SCARB2: variants seen among roughly 807,000 people sequenced by gnomAD.
SCARB2 encodes the protein lysosome membrane protein 2.
A neutral mutation model predicts 58.6 loss-of-function variants in SCARB2; 29 were observed. That is an observed-to-expected ratio of 0.49 (90% confidence interval 0.37 to 0.67). The LOEUF is 0.67. Ranked by LOEUF, SCARB2 falls within the 30% of genes least tolerant of loss-of-function variation. SCARB2 has a pLI of 0.00. For missense variants in SCARB2, 488 were observed against 578.5 expected, an observed-to-expected ratio of 0.84 and a Z score of 1.60; for synonymous variants, 195 against 210.1, an observed-to-expected ratio of 0.93 and a Z score of 0.62.
intron 1 of SCARB2, among the ~76,000 whole-genome samples, chr4:76,200,177 G>A (rs1010138887): frequency 6.6e-6 from 1 of 152,220 alleles, no homozygotes; most frequent in Non-Finnish European, 1.5e-5. Flanking sequence ...TCCTCACCGA[G>A]GGTTCTGCTG....
chr4:76,162,442 TAAG>T (rs1053000299), intron 11 of SCARB2: 5 of 152,994 alleles, frequency 3.3e-5, no homozygotes, highest in Admixed American at 2.6e-4. Flanking sequence ...GCAGAAAATT[TAAG>T]AAGGGCTTCT....
chr4:76,161,333 G>A lies in SCARB2; in HGVS notation c.*380C>T, dbSNP rs554201820. On this transcript the variant is annotated 3_prime_UTR_variant, in exon 12 of 12. Coordinates refer to ENST00000264896, the MANE Select transcript of SCARB2 (RefSeq NM_005506.4). ...TATACGCATTTTGAGCACAAAGTTC[G>A]GTGAATGAAGCATACTGAATGAAGT... is the stretch of plus-strand genomic sequence containing the variant. 4.8e-5 allele frequency: 12 copies of A among 250,040 alleles called. No homozygotes were observed. The highest frequency in any genetic ancestry group is 2.0e-4 in the African/African-American group (9 of 45,088). The allele number at this position is 250,040 out of a possible 1,614,324, so 15.5% of individuals were successfully genotyped here. A position where few individuals can be genotyped will look rare whatever the true frequency, so the allele number is the denominator to read the frequency against.
intron 2 of SCARB2, among the ~76,000 whole-genome samples, chr4:76,190,201 A>G (rs1262845967): frequency 6.6e-6 from 1 of 151,784 alleles, no homozygotes; most frequent in Non-Finnish European, 1.5e-5. Flanking sequence ...TTAAAGACGG[A>G]GTTTTGCTAT....
Position 76,213,643 on chromosome 4 carries a change from T to A in SCARB2, c.-100A>T. 3.3e-6 allele frequency: 3 copies of A among 908,406 alleles called. No homozygotes were observed. Among genetic ancestry groups the A allele is most frequent in the Non-Finnish European group, 1.7e-6 (1 of 573,606 alleles). The allele number at this position is 908,406 out of a possible 1,614,324, so 56.3% of individuals were successfully genotyped here. A position where few individuals can be genotyped will look rare whatever the true frequency, so the allele number is the denominator to read the frequency against. On this transcript the variant is annotated 5_prime_UTR_variant, in exon 1 of 12. Coordinates refer to ENST00000264896, the MANE Select transcript of SCARB2 (RefSeq NM_005506.4). ...AGAGGCGTCGAAGACCCGGGACCCTTCGGCGCCACGCCCACGCCCTCCCGG... is the reference window on the plus strand; with the variant it reads ...AGAGGCGTCGAAGACCCGGGACCCTACGGCGCCACGCCCACGCCCTCCCGG...
At chr4:76,190,679 G>A (rs574850027) in intron 2 of SCARB2, among the ~76,000 whole-genome samples, 21 of 152,278 alleles carry the variant, frequency 1.4e-4, no homozygotes, top group Admixed American at 3.3e-4. Flanking sequence ...AGCTACGGGG[G>A]AGGCTGAGGC....
At chr4:76,202,640 C>A (rs1294873630) in intron 1 of SCARB2, among the ~76,000 whole-genome samples, 1 of 152,122 alleles carries the variant, frequency 6.6e-6, no homozygotes, top group Non-Finnish European at 1.5e-5. Context: ...AAAATTTGGA[C>A]AATGAAGAAA....
chr4:76,160,704 T>G lies in SCARB2; in HGVS notation c.*1009A>C, dbSNP rs1182042893. On this transcript the variant is annotated 3_prime_UTR_variant, in exon 12 of 12. Coordinates refer to ENST00000264896, the MANE Select transcript of SCARB2 (RefSeq NM_005506.4). ...GAAGGCGGCTGTCCCAGAAGAAATA[T>G]CTCTTTAGTCTAATCAGACTTTCTG... The G allele has an allele frequency of 1.3e-5, 2 of 152,188 alleles. No individual in the cohort carries two copies. The highest frequency in any genetic ancestry group is 4.8e-5 in the African/African-American group (2 of 41,440). 9.4% of individuals were successfully genotyped at this position (152,188 alleles called of 1,614,324 possible).
chr4:76,195,663 G>A, intron 2 of SCARB2, 44 bp downstream of exon 2: 2 of 1,575,986 alleles, frequency 1.3e-6, no homozygotes, highest in Non-Finnish European at 1.7e-6. Flanking sequence ...CCATATTGGG[G>A]TCACTCTGTA....
chr4:76,191,331 G>T (rs918637130), intron 2 of SCARB2, among the ~76,000 whole-genome samples: 19 of 152,126 alleles, frequency 1.2e-4, no homozygotes, highest in African/African-American at 3.9e-4. Flanking sequence ...AATCTACGAA[G>T]ACCAATAATA....
upstream of SCARB2, among the ~76,000 whole-genome samples, chr4:76,214,733 TA>T (rs1415345551): frequency 2.6e-5 from 4 of 152,202 alleles, no homozygotes; most frequent in Non-Finnish European, 5.9e-5. Flanking sequence ...GCCAGCCCTT[TA>T]CTAGTTTCTT....
At chr4:76,221,677 A>G (rs1378539452) in intron 1 of SCARB2, among the ~76,000 whole-genome samples, 1 of 152,220 alleles carries the variant, frequency 6.6e-6, no homozygotes, top group Non-Finnish European at 1.5e-5. Context: ...ACCGCATGTT[A>G]TCACTTATTA....
chr4:76,177,133 C>T (rs1235856444), intron 4 of SCARB2: 2 of 152,012 alleles, frequency 1.3e-5, no homozygotes, highest in African/African-American at 4.8e-5. Flanking sequence ...TTGCTAAATA[C>T]TATATTAACC....
chr4:76,188,218 C>T (rs370272575), intron 2 of SCARB2, among the ~76,000 whole-genome samples: 10 of 152,240 alleles, frequency 6.6e-5, no homozygotes, highest in African/African-American at 2.2e-4. Context: ...CCATGGGATA[C>T]CACAACTTTG....
chr4:76,179,224 T>C, intron 4 of SCARB2: 1 of 383,912 alleles, frequency 2.6e-6, no homozygotes, highest in Non-Finnish European at 5.0e-6. Context: ...TGGCTAATTT[T>C]TGTATTTTTA....
chr4:76,163,483 C>T, intron 10 of SCARB2, 100 bp from the exon 11 acceptor site: 1 of 1,289,086 alleles, frequency 7.8e-7, no homozygotes, highest in Non-Finnish European at 1.1e-6. Flanking sequence ...TGGGAATGTC[C>T]TCCTGTTAGC....
chr4:76,195,356 C>T (rs912932462), intron 2 of SCARB2: 14 of 204,774 alleles, frequency 6.8e-5, no homozygotes, highest in African/African-American at 3.0e-4. Flanking sequence ...CAAAGCCAGA[C>T]CTTGTCTCTT....
chr4:76,180,193 G>C, intron 3 of SCARB2: 1 of 184,072 alleles, frequency 5.4e-6, no homozygotes, highest in Non-Finnish European at 1.2e-5. Context: ...GTTGGTGTAG[G>C]TGAATTAGAA....
intron 1 of SCARB2, among the ~76,000 whole-genome samples, chr4:76,222,701 C>T (rs1380643856): frequency 6.6e-6 from 1 of 152,192 alleles, no homozygotes; most frequent in Non-Finnish European, 1.5e-5. Context: ...TTCTCTCAAA[C>T]TCTATTTACT....
intron 6 of SCARB2, chr4:76,175,583 T>C (rs1402031395): frequency 3.3e-6 from 2 of 612,526 alleles, no homozygotes; most frequent in Admixed American, 5.6e-5. Context: ...CAGCTATAAG[T>C]GGTAGAGCCA....
Sources: allele counts gnomAD v4.1 joint callset (sites outside exome capture counted in the v4.1 genomes callset), GRCh38; gene constraint gnomAD v4.1.1; transcripts MANE v1.5; gene names NCBI Gene and HGNC (gene_info 2026-07-23, HGNC 2026-07-21).